The following PPP1CC variants were observed in gnomAD, a reference collection of about 807,000 sequenced individuals.
The protein encoded by PPP1CC is protein phosphatase 1 catalytic subunit gamma.
In PPP1CC, 16 loss-of-function variants were observed where a neutral mutation model predicts 38.4. That is an observed-to-expected ratio of 0.42 (90% CI 0.28 to 0.63). The LOEUF is 0.63. PPP1CC is among the 30% of genes least tolerant of loss of function. PPP1CC has a pLI of 0.25. For missense variants in PPP1CC, 170 were observed against 391.3 expected, an observed-to-expected ratio of 0.43 and a Z score of 4.77; for synonymous variants, 158 against 136.0, an observed-to-expected ratio of 1.16 and a Z score of -1.13.
Position 110,737,477 on chromosome 12 carries a change from C to CAAAAAAAAAAAAAAAAAAAA in PPP1CC, c.55+5156_55+5175dup, listed in dbSNP as rs71083137. Among the ~76,000 whole-genome samples, 33 of 42,486 alleles carry CAAAAAAAAAAAAAAAAAAAA rather than the reference C, an allele frequency of 7.8e-4. 1 individual carries two copies. Among genetic ancestry groups the CAAAAAAAAAAAAAAAAAAAA allele is most frequent in the Middle Eastern group, 0.023 (1 of 44 alleles). The allele number at this position is 42,486 out of a possible 152,430, so 27.9% of individuals were successfully genotyped here. A position where few individuals can be genotyped will look rare whatever the true frequency, so the allele number is the denominator to read the frequency against. On this transcript the variant is annotated intron_variant, in intron 1 of 6. Coordinates refer to ENST00000335007, the MANE Select transcript of PPP1CC (RefSeq NM_002710.4). ...CCAGCCTGGGTGACAAAGAAAGACT[C>CAAAAAAAAAAAAAAAAAAAA]AAAAAAAAAAAAAAAAAAAAAAAAG...
At chr12:110,712,356 C>A in the PPP1CC span, among the ~76,000 whole-genome samples, 1 of 151,502 alleles carries the variant, frequency 6.6e-6, no homozygotes, top group Non-Finnish European at 1.5e-5. Flanking sequence ...AACAGACACA[C>A]AGGCCGGGCG....
At position 110,720,379 on chromosome 12, in the gene PPP1CC, A is replaced by C; in HGVS notation, c.*697T>G. 1.9e-6 allele frequency: 1 copy of C among 521,882 alleles called. No individual in the cohort carries two copies. Among genetic ancestry groups the C allele is most frequent in the Non-Finnish European group, 3.4e-6 (1 of 297,496 alleles). 32.3% of individuals were successfully genotyped at this position (521,882 alleles called of 1,614,324 possible). ...TATACAACCATACCACCTTGTACTT[A>C]GGGGTGTGTCAAAACATAATTCAAC... is the stretch of plus-strand genomic sequence containing the variant. On this transcript the variant is annotated 3_prime_UTR_variant, in exon 7 of 7. Transcript: ENST00000335007.
At chr12:110,730,404 G>T in intron 3 of PPP1CC, 125 bp downstream of exon 3, 2 of 796,002 alleles carry the variant, frequency 2.5e-6, no homozygotes, top group Non-Finnish European at 3.9e-6. Flanking sequence ...TGATGAAATA[G>T]AAAACATGAG....
At chr12:110,737,943 A>G (rs2069967028) in intron 1 of PPP1CC, among the ~76,000 whole-genome samples, 1 of 151,880 alleles carries the variant, frequency 6.6e-6, no homozygotes, top group Non-Finnish European at 1.5e-5. Flanking sequence ...AAGTGACACC[A>G]TTTTTTTCAA....
intron 1 of PPP1CC, among the ~76,000 whole-genome samples, chr12:110,736,953 C>T (rs921440252): frequency 5.3e-5 from 8 of 152,022 alleles, no homozygotes; most frequent in African/African-American, 1.7e-4. Flanking sequence ...AAAAATAAGC[C>T]AACGAAGATT....
At chr12:110,733,631 CTTCT>C (rs1364080000) in intron 1 of PPP1CC, among the ~76,000 whole-genome samples, 1 of 152,128 alleles carries the variant, frequency 6.6e-6, no homozygotes, top group Admixed American at 6.5e-5. Context: ...TTTAAAAATT[CTTCT>C]TTTTTGAAGA....
chr12:110,742,630 CAGCCG>C lies in PPP1CC; in HGVS notation c.55+18_55+22del. On this transcript the variant is annotated intron_variant, in intron 1 of 6. Transcript: ENST00000335007. ...CCGCCCTCAGGCCCGCCTCCCCCTT[CAGCCG>C]CCCGCCGCCCCCCTTACCTTCCAGC... 1 of 1,391,188 alleles carries C rather than the reference CAGCCG, an allele frequency of 7.2e-7. No individual in the cohort carries two copies. The highest frequency in any genetic ancestry group is 9.5e-7 in the Non-Finnish European group (1 of 1,050,706). The allele number at this position is 1,391,188 out of a possible 1,614,324, so 86.2% of individuals were successfully genotyped here.
chr12:110,742,217 C>T (rs78331733), intron 1 of PPP1CC, among the ~76,000 whole-genome samples: 2,611 of 152,204 alleles, frequency 0.017, 81 homozygotes, highest in African/African-American at 0.059. Flanking sequence ...GAACTCATGC[C>T]CTCATCAAAC....
In PPP1CC at chr12:110,720,039, A is replaced by G; in HGVS notation, c.*1037T>C. On this transcript the variant is annotated 3_prime_UTR_variant, in exon 7 of 7. Coordinates refer to ENST00000335007, the MANE Select transcript of PPP1CC (RefSeq NM_002710.4). ...GTCATAGGTACTGTGAGTTCTGTAT[A>G]AACTGGTGGACAGTAAGTTAGTTCC... 9.0e-7 allele frequency: 1 copy of G among 1,110,600 alleles called. No homozygotes were observed. Among genetic ancestry groups the G allele is most frequent in the South Asian group, 1.5e-5 (1 of 68,066 alleles). The allele number at this position is 1,110,600 out of a possible 1,614,324, so 68.8% of individuals were successfully genotyped here.
chr12:110,711,289 C>CACCTGTCGCTT, the PPP1CC span, among the ~76,000 whole-genome samples: 4 of 151,960 alleles, frequency 2.6e-5, no homozygotes, highest in African/African-American at 9.7e-5. Context: ...TGGTTTGCAC[C>CACCTGTCGCTT]TATAATCCCA....
In PPP1CC at chr12:110,742,731, C is replaced by T. The variant is rs568538358; in HGVS notation, c.-24G>A. The T allele has an allele frequency of 1.6e-5, 22 of 1,398,670 alleles. No individual in the cohort carries two copies. In the East Asian group the frequency reaches 6.3e-4, roughly 40 times the overall value. 86.6% of individuals were successfully genotyped at this position (1,398,670 alleles called of 1,614,324 possible). A position where few individuals can be genotyped will look rare whatever the true frequency, so the allele number is the denominator to read the frequency against. ...ATCGCCTTCCCACCGCCGACCCTCCCGCAGCGGCGCCGCCGCCGGCTCGCG... is the reference window on the plus strand; with the variant it reads ...ATCGCCTTCCCACCGCCGACCCTCCTGCAGCGGCGCCGCCGCCGGCTCGCG... On this transcript the variant is annotated 5_prime_UTR_variant, in exon 1 of 7. Coordinates refer to ENST00000335007, the MANE Select transcript of PPP1CC (RefSeq NM_002710.4).
intron 3 of PPP1CC, among the ~76,000 whole-genome samples, chr12:110,728,405 A>AAAAAC (rs1210825241): frequency 2.0e-5 from 3 of 151,210 alleles, no homozygotes; most frequent in Non-Finnish European, 4.4e-5. Flanking sequence ...CTCAAAAAAA[A>AAAAAC]AAAAAAAAAC....
downstream of PPP1CC, among the ~76,000 whole-genome samples, chr12:110,717,710 T>A (rs767488042): frequency 6.6e-6 from 1 of 152,172 alleles, no homozygotes; most frequent in Non-Finnish European, 1.5e-5. Context: ...ACCCACTTTC[T>A]GGAAGTTTTC....
the PPP1CC span, among the ~76,000 whole-genome samples, chr12:110,712,161 C>G: frequency 1.5e-3 from 226 of 152,068 alleles, 2 homozygotes; most frequent in African/African-American, 5.1e-3. Context: ...GCAATAGGCT[C>G]TACCGTATAG....
chr12:110,731,766 T>C lies in PPP1CC; in HGVS notation c.187+4A>G, dbSNP rs2069874341. The C allele has an allele frequency of 6.2e-7, 1 of 1,605,378 alleles. No homozygotes were observed. The highest frequency in any genetic ancestry group is 8.5e-7 in the Non-Finnish European group (1 of 1,172,968). On this transcript the variant is annotated splice_donor_region_variant and intron_variant, in intron 2 of 6. Coordinates refer to ENST00000335007, the MANE Select transcript of PPP1CC (RefSeq NM_002710.4). ...AAAAGATAACCTGTGTGCCCCAAAC[T>C]TACCACATATTTTGAGTGGTGCTTC... is the stretch of plus-strand genomic sequence containing the variant.
rs367661492 is a variant in PPP1CC, at chr12:110,721,028, T to C, written c.*48A>G. Reference sequence around the variant, plus strand: ...ACATTACAGTCTTAAAAATGAAGGTTATATACTCTATGTTACAAGTCCCGA... The same window carrying C: ...ACATTACAGTCTTAAAAATGAAGGTCATATACTCTATGTTACAAGTCCCGA... On this transcript the variant is annotated 3_prime_UTR_variant, in exon 7 of 7. Transcript: ENST00000335007. 6.5e-7 allele frequency: 1 copy of C among 1,529,160 alleles called. No homozygotes were observed. The highest frequency in any genetic ancestry group is 1.4e-5 in the African/African-American group (1 of 73,144). The allele number at this position is 1,529,160 out of a possible 1,614,324, so 94.7% of individuals were successfully genotyped here. A position where few individuals can be genotyped will look rare whatever the true frequency, so the allele number is the denominator to read the frequency against.
intron 4 of PPP1CC, among the ~76,000 whole-genome samples, chr12:110,724,361 G>C (rs1190150276): frequency 6.6e-6 from 1 of 152,182 alleles, no homozygotes; most frequent in African/African-American, 2.4e-5. Flanking sequence ...AGGAATTTGT[G>C]ACCAGACTGG....
intron 2 of PPP1CC, among the ~76,000 whole-genome samples, chr12:110,731,037 A>G (rs749174506): frequency 3.9e-5 from 6 of 152,206 alleles, no homozygotes; most frequent in Non-Finnish European, 7.4e-5. Context: ...ATTATGTCCA[A>G]GCATGCATTC....
At position 110,720,975 on chromosome 12, in the gene PPP1CC, A is replaced by C. The variant is rs1414527822; in HGVS notation, c.*101T>G. On this transcript the variant is annotated 3_prime_UTR_variant, in exon 7 of 7. Coordinates refer to ENST00000335007, the MANE Select transcript of PPP1CC (RefSeq NM_002710.4). ...TGGAAGGAAGGGCCCCCACAAACACAGATCTATCTGAGCAAGCTGACCAGT... is the reference window on the plus strand; with the variant it reads ...TGGAAGGAAGGGCCCCCACAAACACCGATCTATCTGAGCAAGCTGACCAGT... 2 of 989,222 alleles carry C rather than the reference A, an allele frequency of 2.0e-6. No homozygotes were observed. The highest frequency in any genetic ancestry group is 4.6e-5 in the Admixed American group (2 of 43,598). The allele number at this position is 989,222 out of a possible 1,614,324, so 61.3% of individuals were successfully genotyped here.
Sources: gnomAD v4.1 joint callset for allele counts (sites outside exome capture counted in the v4.1 genomes callset) on GRCh38, gnomAD v4.1.1 for gene constraint, MANE v1.5 for transcripts, NCBI Gene and HGNC (gene_info 2026-07-23, HGNC 2026-07-21) for gene names.